The following ITSN1 variants were observed in gnomAD, a reference collection of about 807,000 sequenced individuals.
ITSN1 encodes the protein intersectin-1.
Under a neutral mutation model 239.8 loss-of-function variants are expected in ITSN1, and 58 were observed. That is an observed-to-expected ratio of 0.24 (90% confidence interval 0.20 to 0.30). ITSN1 has a LOEUF of 0.30. Ranked by LOEUF, ITSN1 falls within the 10% of genes least tolerant of loss-of-function variation. The pLI, the probability that ITSN1 is intolerant of heterozygous loss-of-function variation, is 1.00. For synonymous variants in ITSN1, 780 were observed against 770.8 expected (o/e 1.01, Z -0.20); for missense variants, 1,558 against 2,103.3 (o/e 0.74, Z 5.07).
At chr21:33,718,888 A>G (rs1313005573) in intron 2 of ITSN1, 32 bp downstream of exon 2, 2 of 1,579,200 alleles carry the variant, frequency 1.3e-6, no homozygotes, top group South Asian at 1.1e-5. Flanking sequence ...TTTTTAATGT[A>G]CTTTGGGACC....
Position 33,837,005 on chromosome 21 carries a change from C to A in ITSN1, c.3661+373C>A, listed in dbSNP as rs769666201. 3 of 1,606,758 alleles carry A rather than the reference C, an allele frequency of 1.9e-6. No individual in the cohort carries two copies. In the African/African-American group the frequency reaches 4.0e-5, roughly 22 times the overall value. On this transcript the variant is annotated intron_variant, in intron 29 of 39. Coordinates refer to ENST00000381318, the MANE Select transcript of ITSN1 (RefSeq NM_003024.3). ...TTTCTAGGAATCATATGTTGTCCAT[C>A]CCCCCCTCAGGCTTGAAAGTCCTCA...
At chr21:33,655,346 A>T (rs2088950578) in intron 1 of ITSN1, among the ~76,000 whole-genome samples, 1 of 152,154 alleles carries the variant, frequency 6.6e-6, no homozygotes, top group Non-Finnish European at 1.5e-5. Flanking sequence ...AGGGACATTC[A>T]CAGTGTACAG....
chr21:33,755,153 C>T (rs2067822894), intron 7 of ITSN1, 144 bp from the exon 8 acceptor site: 2 of 480,524 alleles, frequency 4.2e-6, no homozygotes, highest in Admixed American at 3.9e-5. Context: ...CAAAAAAAAT[C>T]AGAAGTAGTG....
intron 29 of ITSN1, among the ~76,000 whole-genome samples, chr21:33,839,968 G>C (rs1223127976): frequency 6.6e-6 from 1 of 152,170 alleles, no homozygotes; most frequent in Non-Finnish European, 1.5e-5. Context: ...CCAGAGCTGA[G>C]GTTGAGAAGC....
intron 7 of ITSN1, among the ~76,000 whole-genome samples, chr21:33,752,854 T>C (rs1239081963): frequency 6.6e-6 from 1 of 151,934 alleles, no homozygotes; most frequent in Non-Finnish European, 1.5e-5. Flanking sequence ...TTGGAATTTA[T>C]CCTGTCTTAT....
chr21:33,790,363 A>T (rs1406039126), intron 16 of ITSN1, among the ~76,000 whole-genome samples: 1 of 151,986 alleles, frequency 6.6e-6, no homozygotes, highest in Non-Finnish European at 1.5e-5. Context: ...TGTTACATGC[A>T]GCTACAATTT....
chr21:33,781,991 T>C lies in ITSN1; in HGVS notation c.1685-3T>C. The C allele has an allele frequency of 6.3e-7, 1 of 1,583,306 alleles. No homozygotes were observed. Among genetic ancestry groups the C allele is most frequent in the South Asian group, 1.2e-5 (1 of 85,844 alleles). The stretch of plus-strand genomic sequence containing the variant: ...TTATCTTTGCGACGTTTTTCTAAAA[T>C]AGGAGATTCACTTGTTACACTTAAA... On this transcript the variant is annotated splice_polypyrimidine_tract_variant and splice_region_variant and intron_variant, in intron 15 of 39. Coordinates refer to ENST00000381318, the MANE Select transcript of ITSN1 (RefSeq NM_003024.3).
At chr21:33,684,350 A>G (rs933327763) in intron 1 of ITSN1, among the ~76,000 whole-genome samples, 8 of 152,196 alleles carry the variant, frequency 5.3e-5, no homozygotes, top group Non-Finnish European at 8.8e-5. Context: ...ACACTAAAAG[A>G]CAGTCAAGGG....
rs71194859 is a variant in ITSN1, at chr21:33,659,705, CTTTTTT to C, written c.-33+17012_-33+17017del. On this transcript the variant is annotated intron_variant, in intron 1 of 39. Coordinates refer to ENST00000381318, the MANE Select transcript of ITSN1 (RefSeq NM_003024.3). ...TCATGGACTAAGTCAGCAGCCTGTA[CTTTTTT>C]TTTTTTTTTTTTTTTTTTTGAGATA... is the stretch of plus-strand genomic sequence containing the variant. Among the ~76,000 whole-genome samples, 27 of 76,588 alleles carry C rather than the reference CTTTTTT, an allele frequency of 3.5e-4. No homozygotes were observed. The East Asian group carries it at 8.9e-3, about 25-fold the overall frequency. The allele number at this position is 76,588 out of a possible 152,430, so 50.2% of individuals were successfully genotyped here. A position where few individuals can be genotyped will look rare whatever the true frequency, so the allele number is the denominator to read the frequency against.
chr21:33,877,556 G>C (rs1184085147), intron 34 of ITSN1, among the ~76,000 whole-genome samples: 2 of 152,114 alleles, frequency 1.3e-5, no homozygotes, highest in Non-Finnish European at 2.9e-5. Context: ...AAACAGAAAT[G>C]TTTTATTGCT....
intron 1 of ITSN1, among the ~76,000 whole-genome samples, chr21:33,645,722 C>G (rs1420586643): frequency 6.6e-6 from 1 of 152,140 alleles, no homozygotes; most frequent in Non-Finnish European, 1.5e-5. Context: ...CAGAATCAGA[C>G]AGCTAGAGGT....
intron 21 of ITSN1, among the ~76,000 whole-genome samples, 170 bp from the exon 22 acceptor site, chr21:33,813,742 CT>C (rs1294784498): frequency 6.7e-6 from 1 of 149,078 alleles, no homozygotes; most frequent in Non-Finnish European, 1.5e-5. Flanking sequence ...TTTCTTTTTT[CT>C]TTTTTTCCTC....
intron 1 of ITSN1, among the ~76,000 whole-genome samples, chr21:33,691,462 T>G (rs2091544277): frequency 1.3e-5 from 2 of 152,230 alleles, no homozygotes; most frequent in South Asian, 4.1e-4. Flanking sequence ...TATTCAAGAC[T>G]ATTGCAATGG....
intron 1 of ITSN1, among the ~76,000 whole-genome samples, chr21:33,696,191 T>A (rs976629976): frequency 6.6e-5 from 10 of 152,284 alleles, no homozygotes; most frequent in African/African-American, 2.4e-4. Flanking sequence ...TTTTTTTTTG[T>A]TGTTGGACTT....
chr21:33,710,204 G>T (rs771201370), intron 1 of ITSN1, among the ~76,000 whole-genome samples: 1 of 150,900 alleles, frequency 6.6e-6, no homozygotes, highest in East Asian at 2.0e-4. Context: ...TCAGCTTCCC[G>T]AGTAGCTGGG....
chr21:33,840,949 C>T (rs1275154655), intron 29 of ITSN1, among the ~76,000 whole-genome samples: 1 of 152,120 alleles, frequency 6.6e-6, no homozygotes, highest in Non-Finnish European at 1.5e-5. Context: ...TGTGCACTTA[C>T]GAATCACTCT....
At chr21:33,792,283 C>A (rs2071199916) in intron 16 of ITSN1, among the ~76,000 whole-genome samples, 1 of 152,170 alleles carries the variant, frequency 6.6e-6, no homozygotes, top group African/African-American at 2.4e-5. Context: ...TGGCTCACTG[C>A]AAGCTCCGCC....
intron 1 of ITSN1, among the ~76,000 whole-genome samples, chr21:33,717,913 T>A (rs1204439224): frequency 6.6e-6 from 1 of 152,204 alleles, no homozygotes; most frequent in Non-Finnish European, 1.5e-5. Flanking sequence ...ACTGGCTTTT[T>A]TTCACATCGG....
At chr21:33,646,587 A>G (rs1168629492) in intron 1 of ITSN1, among the ~76,000 whole-genome samples, 4 of 152,202 alleles carry the variant, frequency 2.6e-5, no homozygotes, top group Admixed American at 2.6e-4. Context: ...TTGACCACAC[A>G]TAGTCAGGGA....
Sources: gnomAD v4.1 joint callset for allele counts (sites outside exome capture counted in the v4.1 genomes callset) on GRCh38, gnomAD v4.1.1 for gene constraint, MANE v1.5 for transcripts, NCBI Gene and HGNC (gene_info 2026-07-23, HGNC 2026-07-21) for gene names.